The following CCDC60 variants were observed in gnomAD, a reference collection of about 807,000 sequenced individuals.
CCDC60 encodes the protein coiled-coil domain-containing protein 60.
Under a neutral mutation model 63.5 loss-of-function variants are expected in CCDC60, and 54 were observed. The observed-to-expected ratio is 0.85, with a 90% CI of 0.68 to 1.07. The LOEUF (loss-of-function observed/expected upper bound fraction) is 1.07. CCDC60 is among the 50% of genes least tolerant of loss of function. The probability of loss-of-function intolerance (pLI) is 0.00; values close to 1 mark genes in which losing one functional copy is unlikely to be tolerated. For missense variants in CCDC60, 651 were observed against 684.3 expected (o/e 0.95, Z 0.54); for synonymous variants, 206 against 238.8 (o/e 0.86, Z 1.27).
chr12:119,365,372 T>C (rs1292032946), intron 1 of CCDC60, among the ~76,000 whole-genome samples: 1 of 152,236 alleles, frequency 6.6e-6, no homozygotes, highest in African/African-American at 2.4e-5. Context: ...AGGAAATCCT[T>C]TAGCATATTG....
Position 119,514,627 on chromosome 12 carries a change from G to A in CCDC60, c.884-1996G>A, listed in dbSNP as rs935587764. Among the ~76,000 whole-genome samples, 7 of 152,148 alleles carry A rather than the reference G, an allele frequency of 4.6e-5. No individual in the cohort carries two copies. In the East Asian group the frequency reaches 9.6e-4, roughly 21 times the overall value. Reference sequence around the variant, plus strand: ...TTTTATGCTAAGTGTTATTACAAAAGAGTCAAGAAATTTAAAAAATGTAAA... The same window carrying A: ...TTTTATGCTAAGTGTTATTACAAAAAAGTCAAGAAATTTAAAAAATGTAAA... On this transcript the variant is annotated intron_variant, in intron 7 of 13. Coordinates refer to ENST00000327554, the MANE Select transcript of CCDC60 (RefSeq NM_178499.5).
chr12:119,444,389 C>T (rs1165525555), intron 2 of CCDC60, among the ~76,000 whole-genome samples: 1 of 152,186 alleles, frequency 6.6e-6, no homozygotes, highest in African/African-American at 2.4e-5. Flanking sequence ...TTCTCATAGT[C>T]TCGTCACTGG....
intron 11 of CCDC60, 121 bp from the exon 12 acceptor site, chr12:119,528,494 A>G (rs1952752739): frequency 5.3e-6 from 6 of 1,136,536 alleles, no homozygotes; most frequent in African/African-American, 4.7e-5. Context: ...AGATTAGCTG[A>G]CAGGGTTAAG....
chr12:119,412,655 T>C (rs1354528986), intron 1 of CCDC60, among the ~76,000 whole-genome samples: 1 of 152,140 alleles, frequency 6.6e-6, no homozygotes, highest in Non-Finnish European at 1.5e-5. Flanking sequence ...GCAAGTTATT[T>C]AACTTCTCTG....
intron 1 of CCDC60, among the ~76,000 whole-genome samples, chr12:119,422,176 G>A (rs1412647773): frequency 6.6e-6 from 1 of 152,160 alleles, no homozygotes; most frequent in Non-Finnish European, 1.5e-5. Flanking sequence ...CATCACCGGT[G>A]CTCTGCAGAG....
At chr12:119,362,915 A>G (rs1955804804) in intron 1 of CCDC60, among the ~76,000 whole-genome samples, 2 of 152,210 alleles carry the variant, frequency 1.3e-5, no homozygotes, top group African/African-American at 2.4e-5. Context: ...CTTGGCCAAC[A>G]TGGCAAAACC....
intron 2 of CCDC60, among the ~76,000 whole-genome samples, chr12:119,459,889 C>T (rs784854): frequency 1 from 152,359 of 152,360 alleles, 76,179 homozygotes; most frequent in Non-Finnish European, 1. Flanking sequence ...TATAATAAAT[C>T]ACTGTGCTGT....
At chr12:119,409,702 C>T (rs779696800) in intron 1 of CCDC60, among the ~76,000 whole-genome samples, 42 of 152,084 alleles carry the variant, frequency 2.8e-4, no homozygotes, top group Admixed American at 2.7e-3. Flanking sequence ...CAGGCTTTTC[C>T]GTATCTTCTT....
intron 5 of CCDC60, among the ~76,000 whole-genome samples, chr12:119,495,209 G>T (rs1951693341): frequency 6.6e-6 from 1 of 152,100 alleles, no homozygotes; most frequent in Non-Finnish European, 1.5e-5. Flanking sequence ...CAAAGTATGG[G>T]TGCTTCACCC....
At chr12:119,513,797 C>T (rs1952278274) in intron 7 of CCDC60, among the ~76,000 whole-genome samples, 1 of 152,184 alleles carries the variant, frequency 6.6e-6, no homozygotes, top group African/African-American at 2.4e-5. Context: ...AATAAACCTA[C>T]TGCATTTTAT....
intron 6 of CCDC60, among the ~76,000 whole-genome samples, chr12:119,502,602 C>T (rs1017354542): frequency 1.3e-5 from 2 of 152,190 alleles, no homozygotes; most frequent in Admixed American, 1.3e-4. Flanking sequence ...CAGCCCTTCA[C>T]TTTGGATTTC....
At chr12:119,417,541 T>C (rs1003489765) in intron 1 of CCDC60, among the ~76,000 whole-genome samples, 3 of 152,156 alleles carry the variant, frequency 2.0e-5, no homozygotes, top group African/African-American at 7.2e-5. Context: ...TTTATGGAGT[T>C]ACTTCTGCTC....
In CCDC60 at chr12:119,396,957, T is replaced by C. The variant is rs192861755; in HGVS notation, c.91-31726T>C. Among the ~76,000 whole-genome samples the C allele has an allele frequency of 2.0e-5, 3 of 152,328 alleles. No homozygotes were observed. In the East Asian group the frequency reaches 5.8e-4, roughly 29 times the overall value. On this transcript the variant is annotated intron_variant, in intron 1 of 13. Coordinates refer to ENST00000327554, the MANE Select transcript of CCDC60 (RefSeq NM_178499.5). ...TGTCCAGAGTTTGTTCCTTCAGATGTTCAGATGTGTCCAGAGTTTCTTCTT... is the reference window on the plus strand; with the variant it reads ...TGTCCAGAGTTTGTTCCTTCAGATGCTCAGATGTGTCCAGAGTTTCTTCTT...
At chr12:119,433,432 A>T (rs1256026555) in intron 2 of CCDC60, 1 of 702,240 alleles carries the variant, frequency 1.4e-6, no homozygotes, top group Non-Finnish European at 2.6e-6. Flanking sequence ...AAGGCCAAAC[A>T]GAGAAGCCAC....
intron 7 of CCDC60, among the ~76,000 whole-genome samples, chr12:119,513,612 T>C (rs559755187): frequency 6.6e-6 from 1 of 152,204 alleles, no homozygotes; most frequent in Non-Finnish European, 1.5e-5. Context: ...TCACCTTGAC[T>C]TAACTACAAT....
chr12:119,411,014 T>G (rs1956589190), intron 1 of CCDC60, among the ~76,000 whole-genome samples: 1 of 152,242 alleles, frequency 6.6e-6, no homozygotes, highest in African/African-American at 2.4e-5. Flanking sequence ...ATTACTGGCA[T>G]GAGCCACTGC....
intron 1 of CCDC60, among the ~76,000 whole-genome samples, chr12:119,337,912 T>G (rs1052068142): frequency 6.6e-6 from 1 of 151,448 alleles, no homozygotes; most frequent in Non-Finnish European, 1.5e-5. Flanking sequence ...CTCAAATAAA[T>G]GTAATAGAGT....
At chr12:119,355,766 T>C (rs1955710543) in intron 1 of CCDC60, among the ~76,000 whole-genome samples, 1 of 152,234 alleles carries the variant, frequency 6.6e-6, no homozygotes, top group South Asian at 2.1e-4. Flanking sequence ...TTTTTAATTA[T>C]ATGCAAATTA....
chr12:119,366,209 G>A (rs570320970), intron 1 of CCDC60, among the ~76,000 whole-genome samples: 1 of 152,278 alleles, frequency 6.6e-6, no homozygotes, highest in Non-Finnish European at 1.5e-5. Context: ...ACACAGTGAC[G>A]TAGATGTTGT....
Sources: gnomAD v4.1 joint callset for allele counts (sites outside exome capture counted in the v4.1 genomes callset) on GRCh38, gnomAD v4.1.1 for gene constraint, MANE v1.5 for transcripts, NCBI Gene and HGNC (gene_info 2026-07-23, HGNC 2026-07-21) for gene names.